The following ULK1 variants were observed in gnomAD, a reference collection of about 807,000 sequenced individuals.
ULK1 encodes unc-51 like autophagy activating kinase 1, also known as serine/threonine-protein kinase ULK1.
In ULK1, 48 loss-of-function variants were observed where a neutral mutation model predicts 117.5. That is an observed-to-expected ratio of 0.41 (90% CI 0.32 to 0.52). ULK1 has a LOEUF of 0.52. ULK1 is among the 20% of genes least tolerant of loss of function. The pLI is 0.29. For missense variants in ULK1, 1,387 were observed against 1,473.4 expected (o/e 0.94, Z 0.96); for synonymous variants, 790 against 637.8 (o/e 1.24, Z -3.60).
intron 26 of ULK1, 28 bp downstream of exon 26, chr12:131,920,164 C>T (rs757617115): frequency 9.4e-6 from 15 of 1,601,658 alleles, no homozygotes; most frequent in Non-Finnish European, 1.2e-5. Flanking sequence ...ACCAGTGGGG[C>T]AGGGGCCAGG....
At chr12:131,904,012 G>C (rs1056946152) in intron 3 of ULK1, among the ~76,000 whole-genome samples, 4 of 152,098 alleles carry the variant, frequency 2.6e-5, no homozygotes, top group South Asian at 2.1e-4. Context: ...TGGAGGGATG[G>C]CAGGGCCAGG....
rs778061786 is a variant in ULK1 at position 131,912,048 on chromosome 12, G to A, written c.1055G>A (p.Cys352Tyr). ...TCTGGTGGCAGCAAGGACTCTTCCT[G>A]TGACACAGACGACTTCGTCATGGTC... ...RDSGGSKDSSCDTDDFVMVPA... is the reference protein window; with the variant it reads ...RDSGGSKDSSYDTDDFVMVPA... The change falls in exon 13 of 28, where the codon TGT becomes TAT. Residue 352 changes from cysteine (C) to tyrosine (Y), a missense_variant. By Grantham distance (194) the Cys-to-Tyr change is radical. Coordinates refer to ENST00000321867, the MANE Select transcript of ULK1 (RefSeq NM_003565.4). 21 of 1,612,676 alleles carry A rather than the reference G, an allele frequency of 1.3e-5. No homozygotes were observed. The Admixed American group carries it at 3.0e-4, about 23-fold the overall frequency.
At chr12:131,900,758 G>A (rs917307598) in intron 3 of ULK1, among the ~76,000 whole-genome samples, 1 of 152,248 alleles carries the variant, frequency 6.6e-6, no homozygotes, top group African/African-American at 2.4e-5. Context: ...ACTTGCAGTG[G>A]AGACCTGAGT....
intron 18 of ULK1, 136 bp from the exon 19 acceptor site, chr12:131,915,755 C>A: frequency 8.2e-6 from 10 of 1,226,666 alleles, no homozygotes; most frequent in Middle Eastern, 2.5e-4. Context: ...AATGACAGGG[C>A]GAGACCCCGT....
chr12:131,896,284 G>C (rs1025023278), intron 3 of ULK1, among the ~76,000 whole-genome samples: 2 of 152,204 alleles, frequency 1.3e-5, no homozygotes, highest in Non-Finnish European at 2.9e-5. Context: ...AGTCAGGGCC[G>C]GGCCGGGGCA....
Position 131,916,096 on chromosome 12 carries a change from A to G in ULK1, c.1815A>G (p.Ser605=), listed in dbSNP as rs768693376. The change falls in exon 19 of 28, where the codon TCA becomes TCG. Residue 605 remains serine (S), a synonymous_variant. Transcript: ENST00000321867. ...GLQSCRNLRG[S]PKLPDFLQRN... ...AGTCCTGCCGGAACCTGCGGGGCTCACCCAAGCTGCCCGACTTCCTGCAGC... is the reference window on the plus strand; with the variant it reads ...AGTCCTGCCGGAACCTGCGGGGCTCGCCCAAGCTGCCCGACTTCCTGCAGC... 6.8e-6 allele frequency: 11 copies of G among 1,611,586 alleles called. No homozygotes were observed. Among genetic ancestry groups the G allele is most frequent in the Non-Finnish European group, 9.3e-6 (11 of 1,179,594 alleles).
chr12:131,897,425 T>C (rs977295940), intron 3 of ULK1: 3 of 152,194 alleles, frequency 2.0e-5, no homozygotes, highest in Admixed American at 2.0e-4. Flanking sequence ...CTGCTTTAGT[T>C]GTTTCCGGGC....
intron 26 of ULK1, 63 bp from the exon 27 acceptor site, chr12:131,921,037 G>A (rs1890127443): frequency 2.6e-6 from 4 of 1,516,902 alleles, no homozygotes; most frequent in Non-Finnish European, 3.5e-6. Context: ...TGGGTGCAGG[G>A]CAGCCCTTGC....
chr12:131,901,370 GAAAA>G (rs1469888581), intron 3 of ULK1, among the ~76,000 whole-genome samples: 2 of 149,812 alleles, frequency 1.3e-5, no homozygotes, highest in African/African-American at 4.9e-5. Flanking sequence ...AAAAAAAAAA[GAAAA>G]AAATCATGGG....
At chr12:131,905,674 G>T (rs548014147) in intron 3 of ULK1, among the ~76,000 whole-genome samples, 3 of 152,200 alleles carry the variant, frequency 2.0e-5, no homozygotes, top group African/African-American at 7.2e-5. Flanking sequence ...TGCCTGGTTT[G>T]ATGTGGCTTC....
chr12:131,919,332 C>A lies in ULK1; in HGVS notation c.2632C>A (p.Leu878Met), dbSNP rs1305703184. ...GGCGGCGGGGGGCCCTGAGTACCAG[C>A]TGCAGGAGAGTGTGGTGGCCGACCA... is the stretch of plus-strand genomic sequence containing the variant. ...SEAAGGPEYQ[L>M]QESVVADQIS... The change falls in exon 24 of 28, where the codon CTG (leucine) becomes ATG (methionine). Residue 878 changes from leucine (L) to methionine (M), a missense_variant. This residue lies in a region of ULK1 where 900 missense variants were observed against 858.9 expected (regional missense o/e 1.05). Transcript: ENST00000321867. The A allele has an allele frequency of 6.4e-7, 1 of 1,567,362 alleles. No homozygotes were observed.
intron 26 of ULK1, 45 bp downstream of exon 26, chr12:131,920,181 C>T: frequency 6.3e-7 from 1 of 1,593,272 alleles, no homozygotes; most frequent in Non-Finnish European, 8.6e-7. Flanking sequence ...CAGGAACTTC[C>T]AGGCCCGCCG....
At position 131,920,004 on chromosome 12, in the gene ULK1, C is replaced by T. The variant is rs1340441502; in HGVS notation, c.2829C>T (p.Tyr943=). The T allele has an allele frequency of 3.7e-6, 6 of 1,612,732 alleles. No individual in the cohort carries two copies. The highest frequency in any genetic ancestry group is 5.1e-6 in the Non-Finnish European group (6 of 1,179,960). The change falls in exon 26 of 28, where the codon TAC becomes TAT. Residue 943 remains tyrosine, a synonymous_variant. Coordinates refer to ENST00000321867, the MANE Select transcript of ULK1 (RefSeq NM_003565.4). ...TGGTGCGCAGGCTGAATGAGCTGTACAAGGCCAGCGTGGTGTCCTGCCAGG... is the reference window on the plus strand; with the variant it reads ...TGGTGCGCAGGCTGAATGAGCTGTATAAGGCCAGCGTGGTGTCCTGCCAGG... ...KQVVRRLNEL[Y]KASVVSCQGL... is the part of the protein sequence containing the mutation.
chr12:131,906,281 C>T (rs879861743), intron 3 of ULK1, among the ~76,000 whole-genome samples: 4 of 152,160 alleles, frequency 2.6e-5, no homozygotes, highest in Non-Finnish European at 5.9e-5. Flanking sequence ...TTAATAGAGA[C>T]GGTTTCACCA....
At chr12:131,918,968 C>CAGGGTGTGGGGTGT (rs1890018917) in intron 23 of ULK1, among the ~76,000 whole-genome samples, 2 of 14,628 alleles carry the variant, frequency 1.4e-4, no homozygotes, top group Non-Finnish European at 3.2e-4. Flanking sequence ...GTGTGGGGTG[C>CAGGGTGTGGGGTGT]AGGGTGTGTG....
rs1889398693 is a variant in ULK1, at chr12:131,908,962, C to T, written c.555C>T (p.Pro185=). The change falls in exon 7 of 28, where the codon CCC becomes CCT. Residue 185 remains proline (P), a synonymous_variant. Coordinates refer to ENST00000321867, the MANE Select transcript of ULK1 (RefSeq NM_003565.4). ...TGGCGGCCACACTCTGCGGCTCCCC[C>T]ATGTACATGGTGTGTTTACCTTGGC... ...NMMAATLCGS[P]MYMAPEVIMS... 6.2e-7 allele frequency: 1 copy of T among 1,612,834 alleles called. No individual in the cohort carries two copies. The highest frequency in any genetic ancestry group is 1.1e-5 in the South Asian group (1 of 91,088).
At position 131,912,135 on chromosome 12, in the gene ULK1, G is replaced by C. The variant is rs199632521; in HGVS notation, c.1096+46G>C. 8.9e-5 allele frequency: 140 copies of C among 1,576,570 alleles called. No homozygotes were observed. In the African/African-American group the frequency reaches 1.0e-3, roughly 11 times the overall value. On this transcript the variant is annotated intron_variant, in intron 13 of 27. Transcript: ENST00000321867. ...TGGAGGTGACGCCTCAGGTGCGGCGGGGACAGTGCATTGCATGTGTTGGAT... is the reference window on the plus strand; with the variant it reads ...TGGAGGTGACGCCTCAGGTGCGGCGCGGACAGTGCATTGCATGTGTTGGAT...
chr12:131,899,991 C>T (rs1471864126), intron 3 of ULK1, among the ~76,000 whole-genome samples: 1 of 152,038 alleles, frequency 6.6e-6, no homozygotes, highest in African/African-American at 2.4e-5. Flanking sequence ...GTGGCCCGTG[C>T]CTGTAGTCCC....
intron 3 of ULK1, among the ~76,000 whole-genome samples, chr12:131,905,606 C>T (rs963972759): frequency 2.6e-5 from 4 of 152,184 alleles, no homozygotes; most frequent in African/African-American, 9.6e-5. Flanking sequence ...AGGGCTTCCT[C>T]CTCCTGTTCT....
Sources: allele counts gnomAD v4.1 joint callset (sites outside exome capture counted in the v4.1 genomes callset), GRCh38; gene constraint gnomAD v4.1.1; regional missense constraint gnomAD v4.1.1; transcripts MANE v1.5; gene names NCBI Gene and HGNC (gene_info 2026-07-23, HGNC 2026-07-21).